Variants in OR51B5 observed in about 807,000 individuals in gnomAD.
OR51B5 encodes the protein olfactory receptor 51B5.
For missense variants in OR51B5, 456 were observed against 374.6 expected (o/e 1.22, Z -1.79); for synonymous variants, 186 against 144.8 (o/e 1.28, Z -2.04).
chr11:5,389,678 A>G, intron 1 of OR51B5: 1 of 1,613,594 alleles, frequency 6.2e-7, no homozygotes, highest in Non-Finnish European at 8.5e-7. Context: ...GCCCACCACT[A>G]TGGGGATCTT....
intron 1 of OR51B5, among the ~76,000 whole-genome samples, chr11:5,429,801 G>T (rs1439552787): frequency 6.6e-6 from 1 of 152,206 alleles, no homozygotes; most frequent in Non-Finnish European, 1.5e-5. Flanking sequence ...AGACTTATTT[G>T]CCAATAAGTG....
intron 1 of OR51B5, among the ~76,000 whole-genome samples, chr11:5,409,843 T>C (rs776703608): frequency 6.6e-6 from 1 of 152,158 alleles, no homozygotes; most frequent in African/African-American, 2.4e-5. Flanking sequence ...TGAATAAGCA[T>C]ATCATATTTA....
downstream of OR51B5, chr11:5,342,468 TTTTAACACC>T: frequency 7.9e-7 from 1 of 1,258,964 alleles, no homozygotes; most frequent in South Asian, 1.8e-5. Flanking sequence ...TGAAGCTGTA[TTTTAACACC>T]TATTTTACCA....
At chr11:5,479,221 A>T in intron 1 of OR51B5, among the ~76,000 whole-genome samples, 1 of 148,748 alleles carries the variant, frequency 6.7e-6, no homozygotes, top group African/African-American at 2.5e-5. Flanking sequence ...ATTCTTAAAG[A>T]AAAGAATTTT....
chr11:5,455,268 C>A (rs1850933168), intron 1 of OR51B5: 1 of 151,446 alleles, frequency 6.6e-6, no homozygotes. Flanking sequence ...TTCTATTTCT[C>A]TTTCCTTCTT....
chr11:5,451,107 C>G (rs1175366711), intron 1 of OR51B5, among the ~76,000 whole-genome samples: 1 of 152,200 alleles, frequency 6.6e-6, no homozygotes, highest in Non-Finnish European at 1.5e-5. Flanking sequence ...GCTGACATAT[C>G]ACATGCGTTC....
At chr11:5,385,838 A>G (rs1849684126) in intron 1 of OR51B5, among the ~76,000 whole-genome samples, 1 of 147,966 alleles carries the variant, frequency 6.8e-6, no homozygotes, top group Admixed American at 6.8e-5. Flanking sequence ...TATATAATGT[A>G]TATACTAAAA....
chr11:5,341,224 A>G (rs2133675382), downstream of OR51B5: 1 of 152,320 alleles, frequency 6.6e-6, no homozygotes, highest in East Asian at 1.9e-4. Context: ...GGACAGGGGA[A>G]GGAGGTAAGC....
intron 1 of OR51B5, among the ~76,000 whole-genome samples, chr11:5,487,961 G>A (rs968335804): frequency 2.0e-5 from 3 of 151,858 alleles, no homozygotes; most frequent in Non-Finnish European, 4.4e-5. Flanking sequence ...CACTTCAGAT[G>A]ATATATATAT....
At chr11:5,448,606 G>T (rs1158564346) in intron 1 of OR51B5, among the ~76,000 whole-genome samples, 1 of 152,188 alleles carries the variant, frequency 6.6e-6, no homozygotes, top group East Asian at 1.9e-4. Flanking sequence ...AGTAAAAAAT[G>T]AGAAGAAGCT....
intron 1 of OR51B5, among the ~76,000 whole-genome samples, chr11:5,446,727 TA>T (rs1230704375): frequency 4.6e-5 from 7 of 152,332 alleles, no homozygotes; most frequent in Middle Eastern, 3.4e-3. Flanking sequence ...TATCCCATTC[TA>T]GGGACATCTA....
At chr11:5,442,134 A>C (rs982968809) in intron 1 of OR51B5, among the ~76,000 whole-genome samples, 25 of 152,024 alleles carry the variant, frequency 1.6e-4, no homozygotes, top group African/African-American at 5.8e-4. Flanking sequence ...TTTTCTCCTG[A>C]ACTACTCACC....
At chr11:5,353,876 A>C (rs1849142441) in intron 1 of OR51B5, among the ~76,000 whole-genome samples, 1 of 152,226 alleles carries the variant, frequency 6.6e-6, no homozygotes. Flanking sequence ...AAACAAAAAT[A>C]AAATAATACC....
At chr11:5,466,567 G>C (rs1851141493) in intron 1 of OR51B5, among the ~76,000 whole-genome samples, 1 of 152,244 alleles carries the variant, frequency 6.6e-6, no homozygotes, top group South Asian at 2.1e-4. Context: ...GCATGGCCCT[G>C]AGCGCCATGG....
chr11:5,389,915 C>G (rs375153622), intron 1 of OR51B5: 64 of 1,611,664 alleles, frequency 4.0e-5, no homozygotes. Flanking sequence ...CCCTATTGTC[C>G]TCCTCCTGAA....
intron 1 of OR51B5, among the ~76,000 whole-genome samples, chr11:5,459,860 C>T (rs534416598): frequency 6.6e-5 from 10 of 152,226 alleles, no homozygotes; most frequent in Non-Finnish European, 1.5e-4. Context: ...AACCATTCAA[C>T]CCATTAATCC....
chr11:5,435,359 A>G (rs1348224474), intron 1 of OR51B5, among the ~76,000 whole-genome samples: 1 of 152,232 alleles, frequency 6.6e-6, no homozygotes. Flanking sequence ...TCAAGTATTA[A>G]CTGAATATTG....
At chr11:5,432,469 A>G (rs955469387) in intron 1 of OR51B5, among the ~76,000 whole-genome samples, 1 of 152,222 alleles carries the variant, frequency 6.6e-6, no homozygotes, top group Non-Finnish European at 1.5e-5. Context: ...AACTTGTGAC[A>G]TGAATGTAAT....
At chr11:5,430,662 T>C (rs779335321) in intron 1 of OR51B5, 1 of 454,468 alleles carries the variant, frequency 2.2e-6, no homozygotes, top group South Asian at 1.6e-5. Flanking sequence ...TTCAGAGCAA[T>C]TCCCTCTTGC....
Sources: gnomAD v4.1 joint callset for allele counts (sites outside exome capture counted in the v4.1 genomes callset) on GRCh38, gnomAD v4.1.1 for gene constraint, MANE v1.5 for transcripts, NCBI Gene and HGNC (gene_info 2026-07-23, HGNC 2026-07-21) for gene names.